Variants in RNF169 observed in about 807,000 individuals in gnomAD.
The protein encoded by RNF169 is E3 ubiquitin-protein ligase RNF169.
In RNF169, 24 loss-of-function variants were observed where a neutral mutation model predicts 53.9. The ratio of observed to expected loss-of-function variants is 0.45; its 90% CI spans 0.32 to 0.63. The LOEUF (loss-of-function observed/expected upper bound fraction) is 0.63. Among genes scored for constraint, RNF169 ranks in the 20% least tolerant of loss-of-function variants. The probability of loss-of-function intolerance (pLI) is 0.04; values close to 1 mark genes in which losing one functional copy is unlikely to be tolerated. For missense variants in RNF169, 883 were observed against 906.2 expected (o/e 0.97, Z 0.33); for synonymous variants, 396 against 363.5 (o/e 1.09, Z -1.02).
rs2036266144 is a variant in RNF169, at chr11:74,836,909, G to A, written c.*179G>A. ...GGGAAAAGCATCTCCGTTTCTCTGT[G>A]ACCCAGGCCAGAAGCCTGAGTGACC... is the stretch of plus-strand genomic sequence containing the variant. On this transcript the variant is annotated 3_prime_UTR_variant, in exon 6 of 6. Coordinates refer to ENST00000299563, the MANE Select transcript of RNF169 (RefSeq NM_001098638.2). 2 of 577,764 alleles carry A rather than the reference G, an allele frequency of 3.5e-6. No individual in the cohort carries two copies. Among genetic ancestry groups the A allele is most frequent in the Non-Finnish European group, 6.0e-6 (2 of 335,714 alleles). 35.8% of individuals were successfully genotyped at this position (577,764 alleles called of 1,614,324 possible).
intron 2 of RNF169, among the ~76,000 whole-genome samples, chr11:74,809,228 T>C (rs186082357): frequency 3.2e-4 from 49 of 152,322 alleles, no homozygotes; most frequent in African/African-American, 1.2e-3. Context: ...TAGCCTATAA[T>C]TGCTTTGATA....
At chr11:74,762,910 T>C (rs2035111078) in intron 1 of RNF169, among the ~76,000 whole-genome samples, 2 of 152,086 alleles carry the variant, frequency 1.3e-5, no homozygotes, top group Non-Finnish European at 2.9e-5. Context: ...ATTTCAGGTG[T>C]TCTCTTCCTA....
chr11:74,797,939 G>A (rs922752914), intron 2 of RNF169, among the ~76,000 whole-genome samples: 3 of 152,114 alleles, frequency 2.0e-5, no homozygotes, highest in Admixed American at 6.6e-5. Flanking sequence ...TGTCTTTACT[G>A]CAATCTCTAA....
chr11:74,830,938 A>G (rs929441695), intron 4 of RNF169: 1 of 152,152 alleles, frequency 6.6e-6, no homozygotes, highest in Non-Finnish European at 1.5e-5. Flanking sequence ...CACGCACAAA[A>G]AGTGACAAAA....
At position 74,838,194 on chromosome 11, in the gene RNF169, C is replaced by T. The variant is rs750101701; in HGVS notation, c.*1464C>T. ...CCTTAATGGTTATCTATTCCAGCCT[C>T]CTCCTAAGGTCCTCCTCAGCTTCTA... On this transcript the variant is annotated 3_prime_UTR_variant, in exon 6 of 6. Coordinates refer to ENST00000299563, the MANE Select transcript of RNF169 (RefSeq NM_001098638.2). 7 of 152,236 alleles carry T rather than the reference C, an allele frequency of 4.6e-5. No individual in the cohort carries two copies. The highest frequency in any genetic ancestry group is 7.3e-5 in the Non-Finnish European group (5 of 68,062). The allele number at this position is 152,236 out of a possible 1,614,324, so 9.4% of individuals were successfully genotyped here.
At chr11:74,796,882 G>C (rs898608690) in intron 2 of RNF169, among the ~76,000 whole-genome samples, 1 of 152,118 alleles carries the variant, frequency 6.6e-6, no homozygotes, top group African/African-American at 2.4e-5. Flanking sequence ...ATGAGGTCTT[G>C]CTATGTTGTC....
At chr11:74,834,358 A>G (rs2036220226) in intron 4 of RNF169, among the ~76,000 whole-genome samples, 1 of 152,236 alleles carries the variant, frequency 6.6e-6, no homozygotes, top group African/African-American at 2.4e-5. Flanking sequence ...TTAACATTGT[A>G]TCCACCCTAT....
At chr11:74,781,846 ACT>A (rs1335701078) in intron 1 of RNF169, among the ~76,000 whole-genome samples, 1 of 151,820 alleles carries the variant, frequency 6.6e-6, no homozygotes, top group Admixed American at 6.6e-5. Context: ...AGCAAATGAA[ACT>A]CTGTGTACCT....
At chr11:74,794,332 A>C (rs1267049669) in intron 2 of RNF169, among the ~76,000 whole-genome samples, 1 of 152,218 alleles carries the variant, frequency 6.6e-6, no homozygotes, top group Non-Finnish European at 1.5e-5. Flanking sequence ...TATACAAGGA[A>C]GTTGTTACAG....
At chr11:74,751,045 A>T (rs2034886820) in intron 1 of RNF169, among the ~76,000 whole-genome samples, 1 of 151,366 alleles carries the variant, frequency 6.6e-6, no homozygotes, top group Non-Finnish European at 1.5e-5. Flanking sequence ...TAATTTTTGT[A>T]ATTTTAGTAG....
At chr11:74,814,539 C>T (rs904738099) in intron 3 of RNF169, among the ~76,000 whole-genome samples, 2 of 151,516 alleles carry the variant, frequency 1.3e-5, no homozygotes, top group Non-Finnish European at 2.9e-5. Context: ...CTATTACATG[C>T]CTGACTAGTT....
In RNF169 at chr11:74,766,838, G is replaced by A. The variant is rs906376986; in HGVS notation, c.502+17456G>A. 2.0e-5 allele frequency among the ~76,000 whole-genome samples: 3 copies of A among 152,192 alleles called. No homozygotes were observed. In the South Asian group the frequency reaches 6.2e-4, roughly 32 times the overall value. Reference sequence around the variant, plus strand: ...TGGGTTACCCAAATATTGAAGGATGGATGGTTCCAGGGAATAAATAAAACG... The same window carrying A: ...TGGGTTACCCAAATATTGAAGGATGAATGGTTCCAGGGAATAAATAAAACG... On this transcript the variant is annotated intron_variant, in intron 1 of 5. Transcript: ENST00000299563.
intron 1 of RNF169, among the ~76,000 whole-genome samples, chr11:74,784,564 G>T (rs1015348538): frequency 2.0e-5 from 3 of 152,230 alleles, no homozygotes; most frequent in Non-Finnish European, 4.4e-5. Context: ...CTAGCGAGGA[G>T]TTGTGACAAC....
Position 74,842,094 on chromosome 11 carries a change from C to T in RNF169, c.*5364C>T, listed in dbSNP as rs1203956371. On this transcript the variant is annotated 3_prime_UTR_variant, in exon 6 of 6. Coordinates refer to ENST00000299563, the MANE Select transcript of RNF169 (RefSeq NM_001098638.2). ...GTCCTAAGGGCCTTTTCCCCTCCTG[C>T]CTAGAAAATAGGTTGTGTATTGGTT... is the stretch of plus-strand genomic sequence containing the variant. 2.0e-5 allele frequency: 3 copies of T among 152,010 alleles called. No individual in the cohort carries two copies. Among genetic ancestry groups the T allele is most frequent in the Non-Finnish European group, 2.9e-5 (2 of 68,016 alleles). The allele number at this position is 152,010 out of a possible 1,614,324, so 9.4% of individuals were successfully genotyped here. A position where few individuals can be genotyped will look rare whatever the true frequency, so the allele number is the denominator to read the frequency against.
intron 4 of RNF169, chr11:74,832,201 T>C (rs1318769569): frequency 1.3e-5 from 2 of 152,162 alleles, no homozygotes; most frequent in Non-Finnish European, 2.9e-5. Context: ...TGGTGGTCAG[T>C]AAGAAGTCTG....
intron 3 of RNF169, among the ~76,000 whole-genome samples, chr11:74,814,222 TG>T (rs2035913389): frequency 6.6e-6 from 1 of 151,718 alleles, no homozygotes; most frequent in Admixed American, 6.6e-5. Flanking sequence ...CTTGGGAGGC[TG>T]GGAGGCTGAG....
intron 2 of RNF169, among the ~76,000 whole-genome samples, chr11:74,798,267 A>G (rs2035677757): frequency 6.6e-6 from 1 of 152,240 alleles, no homozygotes; most frequent in Admixed American, 6.5e-5. Context: ...CAAATGGGAA[A>G]AATATCGCTG....
intron 3 of RNF169, among the ~76,000 whole-genome samples, chr11:74,816,174 A>G (rs1354012686): frequency 6.6e-6 from 1 of 152,220 alleles, no homozygotes; most frequent in African/African-American, 2.4e-5. Flanking sequence ...GGGTACTCGG[A>G]GCCATATGAT....
chr11:74,782,541 C>T (rs921306848), intron 1 of RNF169, among the ~76,000 whole-genome samples: 1 of 152,178 alleles, frequency 6.6e-6, no homozygotes, highest in African/African-American at 2.4e-5. Context: ...CCCGCAACCC[C>T]TACACCAGTC....
Sources: gnomAD v4.1 joint callset for allele counts (sites outside exome capture counted in the v4.1 genomes callset) on GRCh38, gnomAD v4.1.1 for gene constraint, MANE v1.5 for transcripts, NCBI Gene and HGNC (gene_info 2026-07-23, HGNC 2026-07-21) for gene names.